SLC17A1: variants seen among roughly 807,000 people sequenced by gnomAD.
SLC17A1 encodes solute carrier family 17 member 1, also known as sodium-dependent phosphate transport protein 1.
SLC17A1 carries 51 observed loss-of-function variants against 53.5 expected under a neutral mutation model. The ratio of observed to expected loss-of-function variants is 0.95; its 90% CI spans 0.76 to 1.20. The LOEUF is 1.20. Among genes scored for constraint, SLC17A1 ranks in the 50% most tolerant of loss-of-function variants. The pLI is 0.00. For missense variants in SLC17A1, 538 were observed against 568.2 expected (o/e 0.95, Z 0.54); for synonymous variants, 179 against 198.8 (o/e 0.90, Z 0.84).
At chr6:25,750,123 A>G in the SLC17A1 span, among the ~76,000 whole-genome samples, 1 of 152,272 alleles carries the variant, frequency 6.6e-6, no homozygotes, top group African/African-American at 2.4e-5. Flanking sequence ...AAAACAAAGC[A>G]CCGCCTTTTT....
chr6:25,770,355 A>G, the SLC17A1 span: 4 of 1,613,992 alleles, frequency 2.5e-6, no homozygotes, highest in Non-Finnish European at 3.4e-6. Context: ...ATGACCTCAG[A>G]TCTCCAAGAA....
the SLC17A1 span, among the ~76,000 whole-genome samples, chr6:25,743,891 A>G: frequency 6.6e-6 from 1 of 152,242 alleles, no homozygotes. Context: ...CATGAGAATT[A>G]CTGGGTTGAG....
intron 12 of SLC17A1, among the ~76,000 whole-genome samples, chr6:25,794,648 G>T (rs138544075): frequency 1.1e-4 from 16 of 152,286 alleles, no homozygotes; most frequent in African/African-American, 3.6e-4. Flanking sequence ...AAAATAAAGG[G>T]TGACATTGGA....
chr6:25,742,512 C>CAAAAAAAAA, the SLC17A1 span, among the ~76,000 whole-genome samples: 7 of 127,128 alleles, frequency 5.5e-5, no homozygotes, highest in African/African-American at 9.2e-5. Context: ...AAAAACAATA[C>CAAAAAAAAA]AAAAAAAAAA....
In SLC17A1 at chr6:25,826,538, T is replaced by C. The variant is rs745410804; in HGVS notation, c.130A>G (p.Met44Val). 7 of 1,612,624 alleles carry C rather than the reference T, an allele frequency of 4.3e-6. No homozygotes were observed. The highest frequency in any genetic ancestry group is 1.1e-5 in the South Asian group (1 of 90,930). Reference protein sequence around the residue: ...TAQRACLNLTMVVMVNSTDPH... With the variant: ...TAQRACLNLTVVVMVNSTDPH... The stretch of plus-strand genomic sequence containing the variant: ...TCTGTGCTATTCACCATGACTACCA[T>C]TGTGAGGTTCAGGCACGCACGCTGT... Residue 44 changes from methionine to valine, a missense_variant, in exon 3 of 13, where the codon ATG (methionine) becomes GTG (valine). Physicochemically the swap from Met to Val is conservative, Grantham distance 21. Coordinates refer to ENST00000244527, the MANE Select transcript of SLC17A1 (RefSeq NM_005074.5).
At chr6:25,750,534 G>C in the SLC17A1 span, among the ~76,000 whole-genome samples, 2 of 152,116 alleles carry the variant, frequency 1.3e-5, no homozygotes, top group African/African-American at 4.8e-5. Context: ...GCTTGGTCTT[G>C]TGCAAGTATC....
chr6:25,828,678 A>G (rs1764837528), intron 2 of SLC17A1, among the ~76,000 whole-genome samples: 1 of 151,986 alleles, frequency 6.6e-6, no homozygotes, highest in South Asian at 2.1e-4. Context: ...ATATATTGGA[A>G]GCTATTTTAT....
intron 5 of SLC17A1, 93 bp downstream of exon 5, chr6:25,819,418 C>T: frequency 9.5e-7 from 1 of 1,048,094 alleles, no homozygotes; most frequent in Non-Finnish European, 1.5e-6. Flanking sequence ...AGCCCTTGAC[C>T]ATTCAAAACA....
chr6:25,736,902 T>A, the SLC17A1 span, among the ~76,000 whole-genome samples: 1 of 152,246 alleles, frequency 6.6e-6, no homozygotes, highest in Non-Finnish European at 1.5e-5. Flanking sequence ...GAGAAAATTA[T>A]GACAGTGAAA....
chr6:25,813,349 T>C (rs1411602971), intron 6 of SLC17A1, 136 bp from the exon 7 acceptor site: 1 of 703,850 alleles, frequency 1.4e-6, no homozygotes, highest in African/African-American at 1.8e-5. Flanking sequence ...ACAAGACTTG[T>C]GTTTTTCAGT....
At chr6:25,785,944 C>A (rs1329091023) in intron 12 of SLC17A1, among the ~76,000 whole-genome samples, 1 of 152,158 alleles carries the variant, frequency 6.6e-6, no homozygotes, top group Non-Finnish European at 1.5e-5. Context: ...CCTAGAATTA[C>A]CACATGACCA....
the SLC17A1 span, chr6:25,773,467 G>T: frequency 6.2e-7 from 1 of 1,612,976 alleles, no homozygotes; most frequent in South Asian, 1.1e-5. Flanking sequence ...GTGATAGAGA[G>T]AGCTGCCTTC....
chr6:25,822,943 T>C (rs1218122419), intron 3 of SLC17A1, among the ~76,000 whole-genome samples: 2 of 148,998 alleles, frequency 1.3e-5, no homozygotes, highest in Non-Finnish European at 3.0e-5. Flanking sequence ...CTTCCTCCTA[T>C]TTTTTTTGTA....
At chr6:25,741,920 A>G in the SLC17A1 span, among the ~76,000 whole-genome samples, 1 of 152,076 alleles carries the variant, frequency 6.6e-6, no homozygotes, top group Non-Finnish European at 1.5e-5. Context: ...TTGTTGAAGT[A>G]TATCCTTGGC....
intron 12 of SLC17A1, among the ~76,000 whole-genome samples, chr6:25,796,938 A>G (rs189205364): frequency 1.5e-3 from 225 of 152,274 alleles, no homozygotes; most frequent in African/African-American, 5.1e-3. Flanking sequence ...CACATATACA[A>G]CACTGCCTTC....
chr6:25,725,122 C>T, the SLC17A1 span, among the ~76,000 whole-genome samples: 1 of 149,818 alleles, frequency 6.7e-6, no homozygotes, highest in East Asian at 2.0e-4. Flanking sequence ...TTCACTTTCT[C>T]TTGGTGTTTA....
downstream of SLC17A1, chr6:25,780,300 AGTAT>A (rs1169825472): frequency 1.3e-5 from 2 of 152,258 alleles, no homozygotes; most frequent in Non-Finnish European, 2.9e-5. Context: ...CTTTAATCAA[AGTAT>A]CACACAAGTG....
downstream of SLC17A1, chr6:25,778,950 T>G: frequency 1.4e-6 from 2 of 1,450,264 alleles, no homozygotes; most frequent in Non-Finnish European, 1.9e-6. Flanking sequence ...GAAGCCAGAG[T>G]GGAGGTCGGG....
the SLC17A1 span, chr6:25,761,943 C>T: frequency 6.2e-7 from 1 of 1,600,606 alleles, no homozygotes; most frequent in South Asian, 1.1e-5. Context: ...AATGCCAGTC[C>T]CTAGGAAGAG....
Sources: gnomAD v4.1 joint callset for allele counts (sites outside exome capture counted in the v4.1 genomes callset) on GRCh38, gnomAD v4.1.1 for gene constraint, MANE v1.5 for transcripts, NCBI Gene and HGNC (gene_info 2026-07-23, HGNC 2026-07-21) for gene names.